The following SCAPER variants were observed in gnomAD, a reference collection of about 807,000 sequenced individuals.
The protein encoded by SCAPER is S phase cyclin A-associated protein in the endoplasmic reticulum.
Under a neutral mutation model 182.2 loss-of-function variants are expected in SCAPER, and 98 were observed. The ratio of observed to expected loss-of-function variants is 0.54; its 90% CI spans 0.46 to 0.64. The LOEUF is 0.64. Ranked by LOEUF, SCAPER falls within the 30% of genes least tolerant of loss-of-function variation. The pLI, the probability that SCAPER is intolerant of heterozygous loss-of-function variation, is 0.00. For missense variants in SCAPER, 1,432 were observed against 1,690.0 expected (o/e 0.85, Z 2.68); for synonymous variants, 605 against 564.6 (o/e 1.07, Z -1.01).
At chr15:76,563,870 T>G (rs757322920) in intron 23 of SCAPER, among the ~76,000 whole-genome samples, 22 of 152,102 alleles carry the variant, frequency 1.4e-4, no homozygotes, top group Admixed American at 2.0e-4. Context: ...TGCAAATAAA[T>G]AAATGTGACT....
At position 76,434,282 on chromosome 15, in the gene SCAPER, A is replaced by G; in HGVS notation, c.3107T>C (p.Ile1036Thr). ...TVYVPDENNT[I>T]LGRNTNKQVF... ...TTGTTTATTTGTATTTCTCCCCAAAATAGTATTATTTTCATCTGGAACATA... is the reference window on the plus strand; with the variant it reads ...TTGTTTATTTGTATTTCTCCCCAAAGTAGTATTATTTTCATCTGGAACATA... Residue 1036 changes from isoleucine (I) to threonine (T), a missense_variant, in exon 26 of 32, where the codon ATT becomes ACT. Ile to Thr is a moderately conservative substitution (Grantham distance 89). Coordinates refer to ENST00000563290, the MANE Select transcript of SCAPER (RefSeq NM_020843.4). The G allele has an allele frequency of 6.2e-7, 1 of 1,612,628 alleles. No individual in the cohort carries two copies. Among genetic ancestry groups the G allele is most frequent in the Middle Eastern group, 1.7e-4 (1 of 6,060 alleles).
intron 25 of SCAPER, among the ~76,000 whole-genome samples, chr15:76,448,196 T>C (rs2048132847): frequency 6.6e-6 from 1 of 152,170 alleles, no homozygotes; most frequent in African/African-American, 2.4e-5. Context: ...AGAAGTGACA[T>C]GAAAAGTTTT....
intron 2 of SCAPER, among the ~76,000 whole-genome samples, chr15:76,878,542 A>T (rs1419729005): frequency 2.0e-5 from 3 of 152,170 alleles, no homozygotes; most frequent in African/African-American, 7.2e-5. Context: ...AAAAATGAAA[A>T]AGCAAGCTAC....
intron 5 of SCAPER, among the ~76,000 whole-genome samples, chr15:76,833,074 A>G (rs530765176): frequency 4.6e-5 from 7 of 152,274 alleles, no homozygotes; most frequent in African/African-American, 1.7e-4. Flanking sequence ...ACACATAATT[A>G]TCAGATTCTC....
chr15:76,794,062 G>A (rs958470898), intron 8 of SCAPER, among the ~76,000 whole-genome samples: 1 of 152,200 alleles, frequency 6.6e-6, no homozygotes, highest in African/African-American at 2.4e-5. Context: ...CATGAGAGCA[G>A]AGGAAAAACA....
intron 5 of SCAPER, among the ~76,000 whole-genome samples, chr15:76,808,140 A>G (rs1405864335): frequency 1.3e-5 from 2 of 152,084 alleles, no homozygotes; most frequent in Non-Finnish European, 2.9e-5. Flanking sequence ...GAAAGAGAAA[A>G]AGGGCCAAAA....
intron 23 of SCAPER, among the ~76,000 whole-genome samples, chr15:76,509,397 T>C (rs565491900): frequency 2.0e-5 from 3 of 152,196 alleles, no homozygotes; most frequent in Non-Finnish European, 4.4e-5. Context: ...TCATGGTATC[T>C]TGTTTGAGGT....
At chr15:76,600,115 G>A (rs1050471786) in intron 22 of SCAPER, among the ~76,000 whole-genome samples, 5 of 120,548 alleles carry the variant, frequency 4.1e-5, no homozygotes, top group African/African-American at 1.3e-4. Context: ...ATATGTAGAG[G>A]ATACATAAGT....
chr15:76,757,642 T>C (rs1407451727), intron 14 of SCAPER, among the ~76,000 whole-genome samples: 4 of 152,172 alleles, frequency 2.6e-5, no homozygotes, highest in African/African-American at 9.7e-5. Flanking sequence ...GAACTGCTGA[T>C]CGTATGACAG....
At chr15:76,404,482 T>C (rs747191924) in intron 27 of SCAPER, 42 bp downstream of exon 27, 29 of 1,553,206 alleles carry the variant, frequency 1.9e-5, no homozygotes, top group African/African-American at 2.7e-5. Flanking sequence ...CAAGAGATGT[T>C]CCAAAAGTTG....
intron 21 of SCAPER, among the ~76,000 whole-genome samples, chr15:76,641,974 G>A (rs956226317): frequency 6.6e-6 from 1 of 152,160 alleles, no homozygotes; most frequent in African/African-American, 2.4e-5. Flanking sequence ...TAGCTATGAA[G>A]TTTTAGTCAG....
At chr15:76,866,258 T>C (rs76159327) in intron 2 of SCAPER, among the ~76,000 whole-genome samples, 486 of 152,112 alleles carry the variant, frequency 3.2e-3, no homozygotes, top group African/African-American at 0.011. Flanking sequence ...TGTGTGTGTG[T>C]GCGTGTGTGT....
At chr15:76,666,666 C>T (rs764213359) in intron 20 of SCAPER, among the ~76,000 whole-genome samples, 1 of 152,198 alleles carries the variant, frequency 6.6e-6, no homozygotes, top group Non-Finnish European at 1.5e-5. Flanking sequence ...AGTTAATCTA[C>T]ACACTTGCCT....
chr15:76,444,237 T>C (rs1045617377), intron 25 of SCAPER, among the ~76,000 whole-genome samples: 2 of 152,158 alleles, frequency 1.3e-5, no homozygotes, highest in Non-Finnish European at 2.9e-5. Flanking sequence ...TCTTAAAAAA[T>C]CTGTAAAGGG....
chr15:76,672,821 A>G (rs2057117058), intron 20 of SCAPER, among the ~76,000 whole-genome samples: 1 of 152,162 alleles, frequency 6.6e-6, no homozygotes, highest in African/African-American at 2.4e-5. Flanking sequence ...ATCGCTTCTC[A>G]GCCTTTTGGC....
At chr15:76,583,350 C>CA (rs35851130) in intron 22 of SCAPER, among the ~76,000 whole-genome samples, 34,061 of 105,242 alleles carry the variant, frequency 0.32, 4,879 homozygotes, top group East Asian at 0.5. Context: ...GACTCCATCT[C>CA]AAAAAAAAAA....
intron 26 of SCAPER, among the ~76,000 whole-genome samples, chr15:76,427,210 A>T (rs1462658918): frequency 2.0e-5 from 3 of 152,240 alleles, no homozygotes; most frequent in African/African-American, 7.2e-5. Context: ...CCAAAAAAAT[A>T]GACAAAGGGG....
chr15:76,865,192 A>AGG (rs1467211508), intron 2 of SCAPER, among the ~76,000 whole-genome samples: 2 of 152,160 alleles, frequency 1.3e-5, no homozygotes, highest in African/African-American at 4.8e-5. Context: ...GCAAACCCCA[A>AGG]AGAGGATAAA....
intron 31 of SCAPER, chr15:76,350,366 TTGTGTGTGTGTGTGTG>T (rs10660714): frequency 6.9e-6 from 1 of 145,302 alleles, no homozygotes; most frequent in South Asian, 2.3e-4. Flanking sequence ...GTAGAGGACT[TTGTGTGTGTGTGTGTG>T]TGTGTGTGTG....
Sources: allele counts gnomAD v4.1 joint callset (sites outside exome capture counted in the v4.1 genomes callset), GRCh38; gene constraint gnomAD v4.1.1; transcripts MANE v1.5; gene names NCBI Gene and HGNC (gene_info 2026-07-23, HGNC 2026-07-21).